Variants in MTUS2 observed in about 807,000 individuals in gnomAD.
MTUS2 encodes microtubule-associated tumor suppressor candidate 2.
MTUS2 carries 40 observed loss-of-function variants against 114.1 expected under a neutral mutation model. That is an observed-to-expected ratio of 0.35 (90% CI 0.27 to 0.46). The LOEUF (loss-of-function observed/expected upper bound fraction) is 0.46, where lower values mean the gene tolerates loss of function less well. Among genes scored for constraint, MTUS2 ranks in the 20% least tolerant of loss-of-function variants. The pLI is 1.00. For synonymous variants in MTUS2, 688 were observed against 672.0 expected, an observed-to-expected ratio of 1.02 and a Z score of -0.37; for missense variants, 1,679 against 1,705.4, an observed-to-expected ratio of 0.98 and a Z score of 0.27.
At chr13:29,460,158 G>A (rs535856667) in intron 9 of MTUS2, among the ~76,000 whole-genome samples, 72 of 152,298 alleles carry the variant, frequency 4.7e-4, no homozygotes, top group African/African-American at 1.7e-3. Flanking sequence ...AGAATATTGA[G>A]GCTCAGAGAA....
intron 1 of MTUS2, among the ~76,000 whole-genome samples, chr13:28,837,043 T>G (rs765745055): frequency 6.6e-6 from 1 of 152,180 alleles, no homozygotes; most frequent in Non-Finnish European, 1.5e-5. Flanking sequence ...TTAAGTGAAC[T>G]AGTATGTGAA....
Position 29,271,706 on chromosome 13 carries a change from C to T in MTUS2, c.2645-9998C>T, listed in dbSNP as rs17073148. 9.3e-3 allele frequency among the ~76,000 whole-genome samples: 1,421 copies of T among 152,282 alleles called. 15 individuals carry two copies. Among genetic ancestry groups the T allele is most frequent in the African/African-American group, 0.033 (1,373 of 41,554 alleles). On this transcript the variant is annotated intron_variant, in intron 5 of 15. Transcript: ENST00000612955. ...TAACAATAACATCAGCCAGCATTTG[C>T]TCGATGCTTACTGTATCTTTCCTGA...
intron 7 of MTUS2, among the ~76,000 whole-genome samples, chr13:29,358,535 A>C (rs1869946626): frequency 6.6e-6 from 1 of 152,212 alleles, no homozygotes. Context: ...AGGGGTTCAC[A>C]CAAGTGATGA....
chr13:28,994,932 T>G (rs1318775584), intron 2 of MTUS2, among the ~76,000 whole-genome samples: 3 of 152,178 alleles, frequency 2.0e-5, no homozygotes, highest in Non-Finnish European at 2.9e-5. Context: ...AATTTTGTCT[T>G]TTGTTGCCAT....
chr13:29,003,490 C>T, intron 2 of MTUS2, among the ~76,000 whole-genome samples: 1 of 152,200 alleles, frequency 6.6e-6, no homozygotes, highest in East Asian at 1.9e-4. Flanking sequence ...TAGTGGGATT[C>T]CTCTGGAACA....
intron 6 of MTUS2, among the ~76,000 whole-genome samples, chr13:29,282,136 C>T (rs1898298869): frequency 1.3e-5 from 2 of 152,230 alleles, no homozygotes; most frequent in South Asian, 2.1e-4. Context: ...TTTAAGCAAA[C>T]TGGCATTTGG....
intron 3 of MTUS2, among the ~76,000 whole-genome samples, chr13:29,031,153 T>C (rs1215468106): frequency 6.6e-6 from 1 of 151,830 alleles, no homozygotes; most frequent in Admixed American, 6.6e-5. Context: ...GATCCAGGGC[T>C]GCTCTCCTTC....
intron 8 of MTUS2, among the ~76,000 whole-genome samples, chr13:29,364,297 T>C (rs768505908): frequency 3.3e-5 from 5 of 151,922 alleles, no homozygotes; most frequent in Non-Finnish European, 7.4e-5. Context: ...GAATGTGGGG[T>C]GAGCAAAGAG....
intron 5 of MTUS2, chr13:29,242,774 G>A (rs1443560560): frequency 2.0e-5 from 3 of 152,182 alleles, no homozygotes; most frequent in Non-Finnish European, 4.4e-5. Context: ...AGCTAACATT[G>A]TTGAGTACCT....
intron 4 of MTUS2, among the ~76,000 whole-genome samples, chr13:29,066,733 A>G (rs1237507305): frequency 1.3e-5 from 2 of 152,272 alleles, no homozygotes; most frequent in Non-Finnish European, 2.9e-5. Flanking sequence ...TAGAAGGCAC[A>G]GATTAAATGC....
chr13:29,306,235 G>A (rs895624663), intron 6 of MTUS2, among the ~76,000 whole-genome samples: 2 of 152,142 alleles, frequency 1.3e-5, no homozygotes, highest in Non-Finnish European at 2.9e-5. Context: ...CACAAGACAG[G>A]GATGCCCTCT....
At chr13:29,117,019 T>C (rs1037678935) in intron 5 of MTUS2, among the ~76,000 whole-genome samples, 1 of 152,168 alleles carries the variant, frequency 6.6e-6, no homozygotes, top group Non-Finnish European at 1.5e-5. Context: ...CATTGCTAGG[T>C]AGGGTTACTT....
chr13:29,271,904 T>G (rs1344852758), intron 5 of MTUS2, among the ~76,000 whole-genome samples: 1 of 152,218 alleles, frequency 6.6e-6, no homozygotes, highest in African/African-American at 2.4e-5. Flanking sequence ...AAGCTTGCTG[T>G]GAGGGTTTAT....
chr13:28,989,852 G>GTTTTT (rs67968989), intron 2 of MTUS2, among the ~76,000 whole-genome samples: 7 of 143,684 alleles, frequency 4.9e-5, no homozygotes, highest in Non-Finnish European at 9.2e-5. Flanking sequence ...GTTTTGTTTT[G>GTTTTT]TTTTTTTTTT....
chr13:29,411,380 A>G (rs759366182), intron 8 of MTUS2, among the ~76,000 whole-genome samples: 17 of 152,152 alleles, frequency 1.1e-4, no homozygotes, highest in African/African-American at 2.7e-4. Flanking sequence ...ATAAATTTCC[A>G]TATGTCCTTA....
intron 7 of MTUS2, among the ~76,000 whole-genome samples, chr13:29,357,721 A>G (rs148410421): frequency 1.9e-4 from 29 of 152,350 alleles, no homozygotes; most frequent in Non-Finnish European, 3.5e-4. Context: ...GTATTCTGCT[A>G]TCATAAACAC....
intron 8 of MTUS2, among the ~76,000 whole-genome samples, chr13:29,383,252 G>GTGTGTGTGTGTGTGTGTGTGTGTGTATT (rs5802519): frequency 2.2e-5 from 3 of 135,916 alleles, no homozygotes; most frequent in Non-Finnish European, 3.1e-5. Context: ...GTGTGTGTGT[G>GTGTGTGTGTGTGTGTGTGTGTGTGTATT]TATTTATTTT....
At chr13:29,273,016 G>T (rs919422761) in intron 5 of MTUS2, among the ~76,000 whole-genome samples, 4 of 152,192 alleles carry the variant, frequency 2.6e-5, no homozygotes, top group African/African-American at 4.8e-5. Context: ...AAGGCAATAT[G>T]AAGCCTCTTT....
intron 2 of MTUS2, among the ~76,000 whole-genome samples, chr13:28,937,471 T>A (rs1410179571): frequency 1.3e-5 from 2 of 152,156 alleles, no homozygotes; most frequent in Non-Finnish European, 1.5e-5. Flanking sequence ...GCTTTGTTCT[T>A]TCGCTTTTCA....
Sources: gnomAD v4.1 joint callset for allele counts (sites outside exome capture counted in the v4.1 genomes callset) on GRCh38, gnomAD v4.1.1 for gene constraint, MANE v1.5 for transcripts, NCBI Gene and HGNC (gene_info 2026-07-23, HGNC 2026-07-21) for gene names.